BCOR: variants seen among roughly 807,000 people sequenced by gnomAD.
The protein encoded by BCOR is BCL-6 corepressor.
A neutral mutation model predicts 86.7 loss-of-function variants in BCOR; 10 were observed. The observed-to-expected ratio is 0.12, with a 90% CI of 0.07 to 0.20. The LOEUF is 0.20. Among genes scored for constraint, BCOR ranks in the 10% least tolerant of loss-of-function variants. The probability of loss-of-function intolerance (pLI) is 1.00; values close to 1 mark genes in which losing one functional copy is unlikely to be tolerated. For synonymous variants in BCOR, 611 were observed against 609.0 expected (o/e 1.00, Z -0.05); for missense variants, 1,259 against 1,452.1 (o/e 0.87, Z 2.16).
chrX:40,174,470 A>C (rs1184988852), intron 1 of BCOR, among the ~76,000 whole-genome samples: 4 of 112,751 alleles, frequency 3.5e-5, no homozygotes, highest in African/African-American at 1.3e-4. Flanking sequence ...TGCGCAAGAA[A>C]GAGCCCGAGG....
At chrX:40,117,124 C>T (rs779182658) in intron 1 of BCOR, among the ~76,000 whole-genome samples, 3 of 112,537 alleles carry the variant, frequency 2.7e-5, no homozygotes, top group African/African-American at 9.7e-5. Context: ...ATGATTAATG[C>T]GCCTCGTATT....
rs1288605812 is a variant in BCOR, at chrX:40,078,028, C to T, written c.-40-59G>A. 39 of 711,543 alleles carry T rather than the reference C, an allele frequency of 5.5e-5. No individual in the cohort carries two copies. The East Asian group carries it at 6.1e-4, about 11-fold the overall frequency. 58.6% of individuals were successfully genotyped at this position (711,543 alleles called of 1,213,427 possible). ...TTCAGTAAAGGAGAGCCAAACAGGG[C>T]GCTAGAGAAGGCCTCTTTCTAGGTG... On this transcript the variant is annotated intron_variant, in intron 1 of 14. Transcript: ENST00000378444.
At position 40,059,578 on chromosome X, in the gene BCOR, G is replaced by A. The variant is rs750687839; in HGVS notation, c.4429-2257C>T. On this transcript the variant is annotated intron_variant, in intron 10 of 14. Transcript: ENST00000378444. ...GGTGGCAACCGCTGTCACCAACAGA[G>A]AGAATGAAGAAGCCAGACAAGTCTG... Among the ~76,000 whole-genome samples the A allele has an allele frequency of 2.7e-5, 3 of 112,750 alleles. No individual in the cohort carries two copies. In the South Asian group the frequency reaches 1.1e-3, roughly 41 times the overall value.
chrX:40,091,273 TG>T (rs1186420496), intron 1 of BCOR, among the ~76,000 whole-genome samples: 1 of 112,660 alleles, frequency 8.9e-6, no homozygotes, highest in Non-Finnish European at 1.9e-5. Context: ...CAATGTAAAT[TG>T]ATCATTGTCC....
intron 9 of BCOR, among the ~76,000 whole-genome samples, 160 bp downstream of exon 9, chrX:40,062,586 C>T (rs1337669071): frequency 1.8e-5 from 2 of 109,676 alleles, no homozygotes; most frequent in East Asian, 2.9e-4. Context: ...TTTGAAACTT[C>T]GCTGCCACCC....
chrX:40,059,587 G>T (rs1934766633), intron 10 of BCOR, among the ~76,000 whole-genome samples: 1 of 112,719 alleles, frequency 8.9e-6, no homozygotes, highest in Non-Finnish European at 1.9e-5. Context: ...AGAGAATGAA[G>T]AAGCCAGACA....
intron 1 of BCOR, among the ~76,000 whole-genome samples, chrX:40,172,601 A>AG (rs760703807): frequency 1.3e-4 from 15 of 112,723 alleles, no homozygotes; most frequent in African/African-American, 4.2e-4. Context: ...TGTTGAGGGG[A>AG]GAGTGATCGT....
Position 40,072,743 on chromosome X carries a change from G to C in BCOR, c.2603C>G (p.Thr868Ser). The stretch of plus-strand genomic sequence containing the variant: ...GAAGACTGGCTGTTTGAAAGTATAA[G>C]TTTCGTGGAAGTCACTGATGCGCCC... ...ELGRISDFHE[T>S]YTFKQPVFTV... is the part of the protein sequence containing the mutation. The change falls in exon 4 of 15, where the codon ACT becomes AGT. Residue 868 changes from threonine to serine, a missense_variant. This residue lies in a region of BCOR where 534 missense variants were observed against 594.8 expected (regional missense o/e 0.90). Transcript: ENST00000378444. 1.7e-6 allele frequency: 2 copies of C among 1,211,839 alleles called. No homozygotes were observed. The highest frequency in any genetic ancestry group is 2.2e-6 in the Non-Finnish European group (2 of 895,564).
At chrX:40,063,460 A>G (rs905261975) in intron 8 of BCOR, 148 bp downstream of exon 8, 2 of 518,563 alleles carry the variant, frequency 3.9e-6, no homozygotes, top group African/African-American at 4.7e-5. Flanking sequence ...GGGCAAGGAC[A>G]TCAAGAGAGA....
intron 1 of BCOR, among the ~76,000 whole-genome samples, chrX:40,110,672 T>TC (rs1937291836): frequency 5.2e-4 from 3 of 5,729 alleles, no homozygotes; most frequent in Non-Finnish European, 2.9e-4. Context: ...TTTTTCTTTT[T>TC]TTTTTTTTTT....
At chrX:40,147,635 T>C (rs1009004748) in intron 1 of BCOR, among the ~76,000 whole-genome samples, 13 of 113,062 alleles carry the variant, frequency 1.1e-4, no homozygotes, top group African/African-American at 3.9e-4. Flanking sequence ...CCCGCCGACC[T>C]AGGAGACTGG....
intron 1 of BCOR, among the ~76,000 whole-genome samples, chrX:40,170,031 G>A (rs1177268667): frequency 8.9e-6 from 1 of 112,737 alleles, no homozygotes; most frequent in Non-Finnish European, 1.9e-5. Flanking sequence ...CGGTCACGCT[G>A]CCTGAGCCCA....
chrX:40,135,572 T>C (rs1937662835), intron 1 of BCOR, among the ~76,000 whole-genome samples: 1 of 111,156 alleles, frequency 9.0e-6, no homozygotes, highest in Non-Finnish European at 1.9e-5. Context: ...GTATTTTTAG[T>C]AGAGACAGGG....
intron 10 of BCOR, 86 bp downstream of exon 10, chrX:40,062,053 C>T: frequency 9.0e-7 from 1 of 1,108,540 alleles, no homozygotes; most frequent in African/African-American, 1.8e-5. Flanking sequence ...CTGAGCTCTG[C>T]TCTCCATGTC....
intron 1 of BCOR, among the ~76,000 whole-genome samples, chrX:40,146,889 C>T (rs1373954747): frequency 3.6e-5 from 4 of 112,545 alleles, no homozygotes; most frequent in Non-Finnish European, 3.8e-5. Context: ...CGCTGTCAGC[C>T]CCCTCCTTTC....
chrX:40,137,548 A>AAAAATAAAATAAAAT (rs11272476), intron 1 of BCOR, among the ~76,000 whole-genome samples: 2,522 of 93,724 alleles, frequency 0.027, 94 homozygotes, highest in African/African-American at 0.083. Flanking sequence ...ACTCCATCTC[A>AAAAATAAAATAAAAT]AAAATAAAAT....
intron 2 of BCOR, chrX:40,077,641 G>A (rs769523823): frequency 4.6e-6 from 2 of 436,860 alleles, no homozygotes; most frequent in African/African-American, 2.5e-5. Flanking sequence ...CTGAAAGGCC[G>A]CTTTAGGGGC....
rs995844503 is a variant in BCOR, at chrX:40,175,437, G to C, written c.-41+1570C>G. Among the ~76,000 whole-genome samples the C allele has an allele frequency of 3.0e-4, 34 of 113,342 alleles. 1 individual carries two copies. The highest frequency in any genetic ancestry group is 3.2e-5 in the African/African-American group (1 of 31,270). On this transcript the variant is annotated intron_variant, in intron 1 of 14. Transcript: ENST00000342274. ...GCCCGGGAGACAGCAGCTGTGCGGC[G>C]AGAGGGGGAGAAAAAATATCGCAAC...
At chrX:40,108,885 C>A (rs900703933) in intron 1 of BCOR, among the ~76,000 whole-genome samples, 1 of 113,207 alleles carries the variant, frequency 8.8e-6, no homozygotes, top group Non-Finnish European at 1.9e-5. Flanking sequence ...TCTGGCTCCT[C>A]GGCTGCGAGG....
Sources: gnomAD v4.1 joint callset for allele counts (sites outside exome capture counted in the v4.1 genomes callset) on GRCh38, gnomAD v4.1.1 for gene constraint, gnomAD v4.1.1 regional missense constraint, MANE v1.5 for transcripts, NCBI Gene and HGNC (gene_info 2026-07-23, HGNC 2026-07-21) for gene names.